Variants in ENTREP1 observed in about 807,000 individuals in gnomAD.
ENTREP1 encodes the protein endosomal transmembrane epsin interactor 1, also known as Friedreich ataxia region gene X123.
the ENTREP1 span, among the ~76,000 whole-genome samples, chr9:69,356,355 G>A: frequency 1.3e-5 from 2 of 152,306 alleles, no homozygotes; most frequent in African/African-American, 2.4e-5. Context: ...TCCATGGTAT[G>A]TACTGGACCT....
chr9:69,338,383 A>C, the ENTREP1 span, among the ~76,000 whole-genome samples: 2 of 152,238 alleles, frequency 1.3e-5, no homozygotes, highest in African/African-American at 2.4e-5. Flanking sequence ...AATCTCCAGT[A>C]TTTAAATTGA....
At chr9:69,343,263 T>C in the ENTREP1 span, among the ~76,000 whole-genome samples, 1 of 152,244 alleles carries the variant, frequency 6.6e-6, no homozygotes, top group African/African-American at 2.4e-5. Context: ...ACAATGTTTT[T>C]GTCTCTCATT....
chr9:69,385,840 C>T, the ENTREP1 span: 1 of 1,576,300 alleles, frequency 6.3e-7, no homozygotes, highest in Non-Finnish European at 8.6e-7. Flanking sequence ...GCATCCACCT[C>T]AACTCCCAGT....
the ENTREP1 span, among the ~76,000 whole-genome samples, chr9:69,349,931 G>T: frequency 6.6e-6 from 1 of 152,146 alleles, no homozygotes; most frequent in African/African-American, 2.4e-5. Context: ...GAATGCATAT[G>T]GCTTTCACAC....
At chr9:69,377,373 G>T in the ENTREP1 span, 1 of 1,607,706 alleles carries the variant, frequency 6.2e-7, no homozygotes, top group Non-Finnish European at 8.5e-7. Flanking sequence ...GCCCCAGAAA[G>T]TCCTCTTTGC....
the ENTREP1 span, among the ~76,000 whole-genome samples, chr9:69,367,752 A>T: frequency 9.9e-5 from 12 of 121,824 alleles, no homozygotes; most frequent in Non-Finnish European, 1.4e-4. Flanking sequence ...CACATATATA[A>T]ATATATATAT....
the ENTREP1 span, chr9:69,383,379 T>G: frequency 7.8e-7 from 1 of 1,281,162 alleles, no homozygotes; most frequent in Admixed American, 3.5e-5. Context: ...ATGGATTGTT[T>G]GCTTTTTGAC....
chr9:69,377,715 T>A, the ENTREP1 span: 19 of 1,613,906 alleles, frequency 1.2e-5, no homozygotes, highest in Non-Finnish European at 1.3e-5. Flanking sequence ...TTGCCACGTT[T>A]TACTCGTGCA....
chr9:69,382,634 A>C, the ENTREP1 span: 8 of 152,236 alleles, frequency 5.3e-5, no homozygotes, highest in East Asian at 1.2e-3. Flanking sequence ...CCAGAATTCC[A>C]GAAGTTTTAT....
the ENTREP1 span, among the ~76,000 whole-genome samples, chr9:69,351,060 T>C: frequency 0.8 from 121,287 of 152,138 alleles, 48,464 homozygotes; most frequent in South Asian, 0.87. Flanking sequence ...CTGGGATAGA[T>C]ACAAAACTGA....
At chr9:69,384,502 A>G in the ENTREP1 span, among the ~76,000 whole-genome samples, 3 of 152,262 alleles carry the variant, frequency 2.0e-5, no homozygotes, top group East Asian at 5.8e-4. Flanking sequence ...TTGTCAGGGG[A>G]AAAAAAGTTT....
the ENTREP1 span, chr9:69,371,441 ACT>A: frequency 8.6e-7 from 1 of 1,168,564 alleles, no homozygotes; most frequent in Non-Finnish European, 1.3e-6. Context: ...ATCAGGTAAA[ACT>A]CTGTCTGAAT....
chr9:69,360,510 C>CT, the ENTREP1 span, among the ~76,000 whole-genome samples: 1 of 152,146 alleles, frequency 6.6e-6, no homozygotes, highest in Admixed American at 6.5e-5. Flanking sequence ...CAAAGGTTAA[C>CT]TTGTTCAAAG....
At chr9:69,379,956 A>G in the ENTREP1 span, 1 of 152,194 alleles carries the variant, frequency 6.6e-6, no homozygotes, top group South Asian at 2.1e-4. Context: ...ATCTAGGTGC[A>G]TCCTCGGATT....
chr9:69,367,614 T>G, the ENTREP1 span, among the ~76,000 whole-genome samples: 2 of 142,716 alleles, frequency 1.4e-5, no homozygotes, highest in Non-Finnish European at 3.0e-5. Context: ...TATATATATA[T>G]ACACACATAT....
At chr9:69,345,408 CATA>C in the ENTREP1 span, among the ~76,000 whole-genome samples, 130 of 152,290 alleles carry the variant, frequency 8.5e-4, no homozygotes, top group Middle Eastern at 6.8e-3. Flanking sequence ...TATAATTTGG[CATA>C]ATACTTTACC....
the ENTREP1 span, chr9:69,324,658 G>A: frequency 4.1e-6 from 4 of 985,094 alleles, no homozygotes; most frequent in Non-Finnish European, 4.8e-6. Context: ...CCTGTGAGCG[G>A]TAACTGCGCT....
chr9:69,366,340 A>G, the ENTREP1 span, among the ~76,000 whole-genome samples: 1 of 147,172 alleles, frequency 6.8e-6, no homozygotes, highest in Non-Finnish European at 1.5e-5. Context: ...AGAAATGTCT[A>G]TCCACAATCT....
At chr9:69,325,355 G>A in the ENTREP1 span, 9 of 1,180,274 alleles carry the variant, frequency 7.6e-6, no homozygotes, top group Non-Finnish European at 9.4e-6. Flanking sequence ...CCCCGTGGCT[G>A]GGCTTTCGGG....
Sources: allele counts gnomAD v4.1 joint callset (sites outside exome capture counted in the v4.1 genomes callset), GRCh38; gene constraint gnomAD v4.1.1; transcripts MANE v1.5; gene names NCBI Gene and HGNC (gene_info 2026-07-23, HGNC 2026-07-21).